Variants in RMDN2 observed in about 807,000 individuals in gnomAD.
RMDN2 encodes regulator of microtubule dynamics 2.
Under a neutral mutation model 52.8 loss-of-function variants are expected in RMDN2, and 61 were observed. That is an observed-to-expected ratio of 1.16 (90% CI 0.94 to 1.43). The LOEUF is 1.43. Among genes scored for constraint, RMDN2 ranks in the 40% most tolerant of loss-of-function variants. RMDN2 has a pLI of 0.00. For synonymous variants in RMDN2, 180 were observed against 153.1 expected, an observed-to-expected ratio of 1.18 and a Z score of -1.30; for missense variants, 592 against 475.3, an observed-to-expected ratio of 1.25 and a Z score of -2.28.
At chr2:37,933,176 C>T (rs987576053) in intron 2 of RMDN2, among the ~76,000 whole-genome samples, 3 of 151,694 alleles carry the variant, frequency 2.0e-5, no homozygotes, top group Non-Finnish European at 2.9e-5. Context: ...AGACGATGGG[C>T]GGCCGGGCAG....
chr2:37,966,235 G>A (rs949527522), intron 2 of RMDN2, among the ~76,000 whole-genome samples: 4 of 151,912 alleles, frequency 2.6e-5, no homozygotes, highest in East Asian at 1.9e-4. Context: ...TGGCTAACAC[G>A]GTGAAACCCT....
intron 2 of RMDN2, among the ~76,000 whole-genome samples, chr2:37,954,627 A>G (rs1669228914): frequency 6.6e-6 from 1 of 152,142 alleles, no homozygotes; most frequent in Non-Finnish European, 1.5e-5. Context: ...TTTGAAAATC[A>G]GGAGGTGTGA....
intron 5 of RMDN2, among the ~76,000 whole-genome samples, chr2:37,984,292 G>A (rs1673702160): frequency 6.6e-6 from 1 of 152,146 alleles, no homozygotes; most frequent in African/African-American, 2.4e-5. Flanking sequence ...AGAATAAAGT[G>A]ACCAATGGAT....
At chr2:37,987,060 ATT>A (rs931331262) in intron 5 of RMDN2, among the ~76,000 whole-genome samples, 1 of 152,038 alleles carries the variant, frequency 6.6e-6, no homozygotes, top group African/African-American at 2.4e-5. Flanking sequence ...CAATGATATG[ATT>A]GTCTTTGTAA....
chr2:38,066,759 A>C (rs1260010121), intron 10 of RMDN2: 1 of 527,482 alleles, frequency 1.9e-6, no homozygotes, highest in Admixed American at 3.1e-5. Context: ...CCCAATTATA[A>C]TTATTTAAAG....
intron 2 of RMDN2, chr2:37,951,254 C>T (rs141049905): frequency 1.5e-5 from 24 of 1,596,134 alleles, no homozygotes; most frequent in Non-Finnish European, 1.6e-5. Context: ...AGGACCAGAG[C>T]TTCCAACGAT....
chr2:38,025,336 CCTGCAGCCTCTTTAAACTCACTTATTT>C (rs1679698736), intron 10 of RMDN2, among the ~76,000 whole-genome samples: 1 of 151,984 alleles, frequency 6.6e-6, no homozygotes, highest in South Asian at 2.1e-4. Flanking sequence ...GATCTTGCAT[CCTGCAGCCTCTTTAAACTCACTTATTT>C]CTGGTAGCGT....
At chr2:37,996,652 G>A (rs1032942333) in intron 7 of RMDN2, among the ~76,000 whole-genome samples, 2 of 151,072 alleles carry the variant, frequency 1.3e-5, no homozygotes, top group African/African-American at 4.9e-5. Context: ...CTAGGTGATG[G>A]GACTGAGAAG....
chr2:37,961,263 G>C (rs911410783), intron 2 of RMDN2, among the ~76,000 whole-genome samples: 1 of 152,044 alleles, frequency 6.6e-6, no homozygotes, highest in African/African-American at 2.4e-5. Flanking sequence ...AGTTCTTCTG[G>C]ATAATATCCT....
At chr2:38,064,282 G>A (rs1203172245) in intron 10 of RMDN2, among the ~76,000 whole-genome samples, 2 of 152,170 alleles carry the variant, frequency 1.3e-5, no homozygotes, top group African/African-American at 2.4e-5. Flanking sequence ...GGTAGATCAG[G>A]AGTTTGAGAC....
intron 10 of RMDN2, among the ~76,000 whole-genome samples, chr2:38,054,573 A>C (rs542712659): frequency 6.6e-6 from 1 of 152,338 alleles, no homozygotes; most frequent in African/African-American, 2.4e-5. Context: ...CTTACATCAC[A>C]AGATTAATAA....
At chr2:38,037,907 C>T (rs1186069576) in intron 10 of RMDN2, among the ~76,000 whole-genome samples, 14 of 152,182 alleles carry the variant, frequency 9.2e-5, no homozygotes, top group Non-Finnish European at 1.5e-5. Context: ...TGAGCTGAGT[C>T]ACATCCAGAT....
chr2:37,986,855 G>A (rs1674090155), intron 5 of RMDN2, among the ~76,000 whole-genome samples: 1 of 151,882 alleles, frequency 6.6e-6, no homozygotes, highest in African/African-American at 2.4e-5. Context: ...GAAACATACA[G>A]CTAACATTAT....
At chr2:38,004,376 T>C (rs1676772638) in intron 10 of RMDN2, among the ~76,000 whole-genome samples, 160 bp downstream of exon 10, 1 of 152,238 alleles carries the variant, frequency 6.6e-6, no homozygotes, top group Non-Finnish European at 1.5e-5. Flanking sequence ...AAAAACTATA[T>C]GTATACAGCA....
At position 37,933,118 on chromosome 2, in the gene RMDN2, C is replaced by T. The variant is rs951070410; in HGVS notation, c.452+3389C>T. On this transcript the variant is annotated intron_variant, in intron 2 of 10. Coordinates refer to ENST00000354545, the MANE Select transcript of RMDN2 (RefSeq NM_001170791.3). ...CTCAGGGCGGCTGGGCAGAGACGCT[C>T]CTCACATCCCGGACGGGGCAGCAGG... 5.9e-5 allele frequency among the ~76,000 whole-genome samples: 9 copies of T among 151,638 alleles called. No individual in the cohort carries two copies. The South Asian group carries it at 6.3e-4, about 11-fold the overall frequency.
chr2:38,013,101 C>G (rs762786981), intron 10 of RMDN2, among the ~76,000 whole-genome samples: 1 of 152,166 alleles, frequency 6.6e-6, no homozygotes. Context: ...TTTCTTGACC[C>G]TAGGAAAGTA....
downstream of RMDN2, among the ~76,000 whole-genome samples, chr2:38,020,173 G>A (rs1679236894): frequency 6.6e-6 from 1 of 152,086 alleles, no homozygotes; most frequent in Non-Finnish European, 1.5e-5. Context: ...TACATTTAGT[G>A]TGCACTTTAT....
At chr2:38,042,424 CCACACACACACACACACACCA>C (rs1198142010) in intron 10 of RMDN2, among the ~76,000 whole-genome samples, 34 of 100,704 alleles carry the variant, frequency 3.4e-4, no homozygotes, top group African/African-American at 7.4e-4. Flanking sequence ...CACACACACA[CCACACACACACACACACACCA>C]CACACACACA....
intron 2 of RMDN2, 71 bp downstream of exon 2, chr2:37,929,800 A>T (rs1244427068): frequency 9.6e-7 from 1 of 1,042,670 alleles, no homozygotes; most frequent in South Asian, 1.8e-5. Flanking sequence ...AGGTATTTTC[A>T]TTATGGGTTC....
Sources: allele counts gnomAD v4.1 joint callset (sites outside exome capture counted in the v4.1 genomes callset), GRCh38; gene constraint gnomAD v4.1.1; transcripts MANE v1.5; gene names NCBI Gene and HGNC (gene_info 2026-07-23, HGNC 2026-07-21).